Variants in ITGA1 observed in about 807,000 individuals in gnomAD.
The protein encoded by ITGA1 is integrin alpha-1.
In ITGA1, 85 loss-of-function variants were observed where a neutral mutation model predicts 145.9. The observed-to-expected ratio is 0.58, with a 90% CI of 0.49 to 0.70. The LOEUF is 0.70. ITGA1 is among the 30% of genes least tolerant of loss of function. ITGA1 has a pLI of 0.00. For synonymous variants in ITGA1, 520 were observed against 495.3 expected (o/e 1.05, Z -0.66); for missense variants, 1,351 against 1,418.7 (o/e 0.95, Z 0.77).
chr5:52,800,409 GA>G, intron 1 of ITGA1: 1 of 1,613,980 alleles, frequency 6.2e-7, no homozygotes, highest in Non-Finnish European at 8.5e-7. Flanking sequence ...AGCTCGTGAG[GA>G]AGAACATCGA....
intron 12 of ITGA1, among the ~76,000 whole-genome samples, chr5:52,908,473 A>G (rs1382372301): frequency 6.6e-6 from 1 of 152,312 alleles, no homozygotes; most frequent in African/African-American, 2.4e-5. Flanking sequence ...GAAATATGCC[A>G]CACCAGTATT....
At chr5:52,801,962 T>C in intron 1 of ITGA1, 2 of 672,546 alleles carry the variant, frequency 3.0e-6, no homozygotes, top group African/African-American at 3.6e-5. Flanking sequence ...GGATTTCTTA[T>C]GTCTTTGGCT....
intron 1 of ITGA1, among the ~76,000 whole-genome samples, chr5:52,791,895 A>G (rs140014257): frequency 5.9e-5 from 9 of 152,326 alleles, no homozygotes; most frequent in African/African-American, 2.2e-4. Flanking sequence ...AATCTACTCA[A>G]TTCATATCTC....
chr5:52,861,993 G>A (rs924997134), intron 3 of ITGA1, among the ~76,000 whole-genome samples: 13 of 151,590 alleles, frequency 8.6e-5, no homozygotes, highest in African/African-American at 1.2e-4. Flanking sequence ...CGAGGCAGGC[G>A]GATCACCTGA....
chr5:52,881,073 T>C (rs1224957524), intron 6 of ITGA1, among the ~76,000 whole-genome samples: 1 of 151,978 alleles, frequency 6.6e-6, no homozygotes, highest in Non-Finnish European at 1.5e-5. Flanking sequence ...CTAAAGGGAA[T>C]GAAAGGAGGA....
chr5:52,921,519 T>TA (rs570231109), intron 17 of ITGA1, among the ~76,000 whole-genome samples: 95 of 151,626 alleles, frequency 6.3e-4, no homozygotes, highest in Non-Finnish European at 5.7e-4. Flanking sequence ...CCCTCCTATT[T>TA]AGTTAATCAG....
chr5:52,851,722 C>A (rs144137045), intron 2 of ITGA1, among the ~76,000 whole-genome samples: 1 of 152,118 alleles, frequency 6.6e-6, no homozygotes, highest in Non-Finnish European at 1.5e-5. Context: ...AATAAGAGAT[C>A]GGGGACTATG....
intron 1 of ITGA1, among the ~76,000 whole-genome samples, chr5:52,847,530 C>T (rs889724277): frequency 6.7e-6 from 1 of 150,212 alleles, no homozygotes; most frequent in Non-Finnish European, 1.5e-5. Flanking sequence ...TAAGACAGTG[C>T]TCTTTGGAAA....
At chr5:52,949,198 C>A (rs1027832829) in intron 28 of ITGA1, among the ~76,000 whole-genome samples, 2 of 152,122 alleles carry the variant, frequency 1.3e-5, no homozygotes, top group Non-Finnish European at 2.9e-5. Flanking sequence ...TAGCTCTTAT[C>A]GAATGCTTAC....
chr5:52,874,747 G>T (rs1749839093), intron 6 of ITGA1, among the ~76,000 whole-genome samples: 1 of 152,106 alleles, frequency 6.6e-6, no homozygotes, highest in African/African-American at 2.4e-5. Context: ...CTGAAATGTT[G>T]TTCCTGATTC....
At chr5:52,815,926 T>C (rs1218820427) in intron 1 of ITGA1, among the ~76,000 whole-genome samples, 1 of 152,090 alleles carries the variant, frequency 6.6e-6, no homozygotes, top group Non-Finnish European at 1.5e-5. Context: ...AATGTATAAC[T>C]AAACAAAAAC....
chr5:52,891,632 A>C (rs1750152059), intron 8 of ITGA1, among the ~76,000 whole-genome samples: 1 of 149,808 alleles, frequency 6.7e-6, no homozygotes, highest in African/African-American at 2.4e-5. Flanking sequence ...TAATTTTTTT[A>C]TTTATTACAG....
At chr5:52,801,402 A>G in intron 1 of ITGA1, 1 of 1,604,238 alleles carries the variant, frequency 6.2e-7, no homozygotes, top group African/African-American at 1.3e-5. Context: ...TGTAATTGTG[A>G]TTCTAGGTAC....
In ITGA1 at chr5:52,922,899, T is replaced by C. The variant is rs1750751803; in HGVS notation, c.2403+12T>C. 6.9e-7 allele frequency: 1 copy of C among 1,458,440 alleles called. No individual in the cohort carries two copies. The highest frequency in any genetic ancestry group is 1.7e-5 in the Admixed American group (1 of 59,486). 90.3% of individuals were successfully genotyped at this position (1,458,440 alleles called of 1,614,324 possible). A position where few individuals can be genotyped will look rare whatever the true frequency, so the allele number is the denominator to read the frequency against. On this transcript the variant is annotated intron_variant, in intron 18 of 28. Transcript: ENST00000282588. ...CAGTACATGAATATGTAAGTCAGAT[T>C]TCTTTAAAATACAAAATACCAACTT...
intron 1 of ITGA1, among the ~76,000 whole-genome samples, chr5:52,795,393 A>G (rs1223351878): frequency 6.6e-6 from 1 of 151,876 alleles, no homozygotes; most frequent in Non-Finnish European, 1.5e-5. Flanking sequence ...AAGAAAATTT[A>G]TACAGCCCCG....
At chr5:52,792,540 C>A (rs1285748680) in intron 1 of ITGA1, among the ~76,000 whole-genome samples, 1 of 152,126 alleles carries the variant, frequency 6.6e-6, no homozygotes, top group South Asian at 2.1e-4. Flanking sequence ...AGCATGAGCT[C>A]TTGGGCCACA....
chr5:52,851,794 G>C (rs957143050), intron 2 of ITGA1, among the ~76,000 whole-genome samples: 9 of 152,030 alleles, frequency 5.9e-5, no homozygotes, highest in African/African-American at 2.2e-4. Context: ...TTTGTTGGTG[G>C]GTTAGGTTTT....
chr5:52,861,510 T>C lies in ITGA1; in HGVS notation c.246T>C (p.Cys82=), dbSNP rs141879628. The C allele has an allele frequency of 1.1e-5, 17 of 1,613,860 alleles. No homozygotes were observed. The highest frequency in any genetic ancestry group is 1.4e-5 in the Non-Finnish European group (16 of 1,179,784). Residue 82 remains cysteine (C), a synonymous_variant, in exon 3 of 29, where the codon TGT becomes TGC. Coordinates refer to ENST00000282588, the MANE Select transcript of ITGA1 (RefSeq NM_181501.2). ...PKNRTGDVYK[C]PVGRGESLPC... The stretch of plus-strand genomic sequence containing the variant: ...ACAGAACTGGAGATGTCTATAAGTG[T>C]CCAGTTGGGAGAGGTGAATCATTAC...
At chr5:52,897,879 T>A (rs537453898) in intron 10 of ITGA1, among the ~76,000 whole-genome samples, 1 of 152,168 alleles carries the variant, frequency 6.6e-6, no homozygotes, top group Non-Finnish European at 1.5e-5. Context: ...CTTATTAGAA[T>A]TCCATGTTCA....
Sources: allele counts gnomAD v4.1 joint callset (sites outside exome capture counted in the v4.1 genomes callset), GRCh38; gene constraint gnomAD v4.1.1; transcripts MANE v1.5; gene names NCBI Gene and HGNC (gene_info 2026-07-23, HGNC 2026-07-21).